PRH1: variants seen among roughly 807,000 people sequenced by gnomAD.
PRH1 encodes the protein salivary acidic proline-rich phosphoprotein 1/2.
Under a neutral mutation model 7.9 loss-of-function variants are expected in PRH1, and 7 were observed. That is an observed-to-expected ratio of 0.89 (90% CI 0.50 to 1.67). The LOEUF (loss-of-function observed/expected upper bound fraction) is 1.67. PRH1 is among the 40% of genes most tolerant of loss of function. The probability of loss-of-function intolerance (pLI) is 0.00; values close to 1 mark genes in which losing one functional copy is unlikely to be tolerated. For missense variants in PRH1, 109 were observed against 223.6 expected (o/e 0.49, Z 3.27); for synonymous variants, 45 against 80.8 (o/e 0.56, Z 2.38).
At chr12:11,123,437 T>C (rs1262978332) in intron 1 of PRH1, among the ~76,000 whole-genome samples, 1 of 152,182 alleles carries the variant, frequency 6.6e-6, no homozygotes, top group Non-Finnish European at 1.5e-5. Flanking sequence ...CCTGTCACTT[T>C]ATCTCCAGTC....
intron 1 of PRH1, among the ~76,000 whole-genome samples, chr12:11,073,549 T>C (rs1318366413): frequency 6.6e-6 from 1 of 151,482 alleles, no homozygotes; most frequent in African/African-American, 2.4e-5. Flanking sequence ...AATACCACAA[T>C]AGAGGATATT....
At chr12:10,925,704 C>G (rs1452161960) in intron 2 of PRH1, among the ~76,000 whole-genome samples, 1 of 152,174 alleles carries the variant, frequency 6.6e-6, no homozygotes, top group Non-Finnish European at 1.5e-5. Context: ...CTGTTAAAGT[C>G]TTAGGAAAGC....
intron 1 of PRH1, among the ~76,000 whole-genome samples, chr12:11,057,273 C>CA (rs1211445728): frequency 2.6e-5 from 4 of 152,236 alleles, no homozygotes; most frequent in Admixed American, 6.5e-5. Flanking sequence ...ACTAAGACTA[C>CA]AGGCATGAGC....
chr12:11,070,470 A>C (rs1448633558), intron 1 of PRH1, among the ~76,000 whole-genome samples: 1 of 150,488 alleles, frequency 6.6e-6, no homozygotes, highest in Non-Finnish European at 1.5e-5. Flanking sequence ...ACCACAAGTC[A>C]AAGATCTAAC....
At chr12:10,987,716 A>G in intron 1 of PRH1, among the ~76,000 whole-genome samples, 1 of 152,144 alleles carries the variant, frequency 6.6e-6, no homozygotes, top group East Asian at 1.9e-4. Flanking sequence ...AAATGTATCA[A>G]ACATCAAACA....
intron 2 of PRH1, among the ~76,000 whole-genome samples, chr12:10,890,573 T>C (rs1394263864): frequency 6.6e-6 from 1 of 151,904 alleles, no homozygotes; most frequent in Non-Finnish European, 1.5e-5. Flanking sequence ...GGGTAAACTA[T>C]AAAGAACGAC....
At chr12:10,973,560 A>G (rs1938934820) in intron 2 of PRH1, 2 of 680,350 alleles carry the variant, frequency 2.9e-6, no homozygotes, top group South Asian at 3.3e-5. Context: ...CACTACTTGT[A>G]TAACTGCTTG....
intron 1 of PRH1, among the ~76,000 whole-genome samples, chr12:10,974,832 G>A (rs1217889522): frequency 6.6e-6 from 1 of 152,154 alleles, no homozygotes; most frequent in Non-Finnish European, 1.5e-5. Context: ...TTCAGAATAT[G>A]GATGGGAATG....
At chr12:11,166,948 T>G (rs568193096) in intron 1 of PRH1, among the ~76,000 whole-genome samples, 1 of 152,294 alleles carries the variant, frequency 6.6e-6, no homozygotes, top group South Asian at 2.1e-4. Context: ...GTCAGAAGTG[T>G]TGCATCTCTC....
At chr12:10,973,958 T>C (rs1462154050) in intron 1 of PRH1, among the ~76,000 whole-genome samples, 1 of 152,100 alleles carries the variant, frequency 6.6e-6, no homozygotes, top group Admixed American at 6.5e-5. Flanking sequence ...CCTAGAGAAA[T>C]AATTTAAAAA....
intron 1 of PRH1, among the ~76,000 whole-genome samples, chr12:11,146,069 C>T (rs1490721519): frequency 3.3e-5 from 5 of 151,990 alleles, no homozygotes; most frequent in African/African-American, 9.7e-5. Context: ...ATGCTAAATT[C>T]GCTTTGACTA....
chr12:10,886,518 A>C (rs1949494633), upstream of PRH1, among the ~76,000 whole-genome samples: 1 of 152,202 alleles, frequency 6.6e-6, no homozygotes, highest in Non-Finnish European at 1.5e-5. Context: ...GACACATCAA[A>C]AACAGAGGTA....
intron 1 of PRH1, among the ~76,000 whole-genome samples, chr12:11,127,088 G>A (rs939370314): frequency 2.6e-5 from 4 of 152,234 alleles, no homozygotes; most frequent in Non-Finnish European, 5.9e-5. Flanking sequence ...TCTGGCTAAT[G>A]TCAAACAGGA....
chr12:11,083,037 A>G (rs1396187605), intron 1 of PRH1, among the ~76,000 whole-genome samples: 11 of 103,852 alleles, frequency 1.1e-4, no homozygotes, highest in South Asian at 2.6e-4. Flanking sequence ...AAAATTTGTA[A>G]TATCAAAATA....
intron 1 of PRH1, among the ~76,000 whole-genome samples, chr12:11,128,848 A>G (rs1946227797): frequency 6.6e-6 from 1 of 152,222 alleles, no homozygotes; most frequent in Admixed American, 6.5e-5. Flanking sequence ...CCTGTTTGCT[A>G]TAAGCAGGAA....
intron 2 of PRH1, among the ~76,000 whole-genome samples, chr12:10,947,605 A>T (rs558171219): frequency 6.6e-6 from 1 of 152,084 alleles, no homozygotes; most frequent in East Asian, 1.9e-4. Context: ...TGTGCCATTT[A>T]ATTGTGTCAT....
At chr12:10,990,168 C>T (rs766669952) in intron 1 of PRH1, among the ~76,000 whole-genome samples, 1 of 152,080 alleles carries the variant, frequency 6.6e-6, no homozygotes, top group African/African-American at 2.4e-5. Context: ...GAAACAAATC[C>T]ACACCTATAG....
chr12:11,154,387 C>T (rs539968056), intron 1 of PRH1, among the ~76,000 whole-genome samples: 2 of 152,226 alleles, frequency 1.3e-5, no homozygotes, highest in Admixed American at 1.3e-4. Flanking sequence ...AAATGACAGC[C>T]ATATACCAAG....
At chr12:11,133,282 C>A in intron 1 of PRH1, 2 of 1,599,276 alleles carry the variant, frequency 1.3e-6, no homozygotes, top group African/African-American at 2.7e-5. Flanking sequence ...AGTTTGTTTT[C>A]TGCTAGAAGA....
Sources: gnomAD v4.1 joint callset for allele counts (sites outside exome capture counted in the v4.1 genomes callset) on GRCh38, gnomAD v4.1.1 for gene constraint, MANE v1.5 for transcripts, NCBI Gene and HGNC (gene_info 2026-07-23, HGNC 2026-07-21) for gene names.